PRKCA: variants seen among roughly 807,000 people sequenced by gnomAD.
PRKCA encodes the protein protein kinase C alpha type.
In PRKCA, 27 loss-of-function variants were observed where a neutral mutation model predicts 87.0. The ratio of observed to expected loss-of-function variants is 0.31; its 90% confidence interval spans 0.23 to 0.43. The LOEUF is 0.43. PRKCA is among the 20% of genes least tolerant of loss of function. The probability of loss-of-function intolerance (pLI) is 1.00; values close to 1 mark genes in which losing one functional copy is unlikely to be tolerated. For synonymous variants in PRKCA, 329 were observed against 311.1 expected, an observed-to-expected ratio of 1.06 and a Z score of -0.61; for missense variants, 518 against 852.3, an observed-to-expected ratio of 0.61 and a Z score of 4.88.
At chr17:66,710,949 A>G (rs1185144475) in intron 8 of PRKCA, among the ~76,000 whole-genome samples, 2 of 152,092 alleles carry the variant, frequency 1.3e-5, no homozygotes, top group African/African-American at 2.4e-5. Context: ...AGGCTGAGGT[A>G]GGAGAATCAC....
chr17:66,349,137 T>C (rs1907581144), intron 2 of PRKCA, among the ~76,000 whole-genome samples: 1 of 152,206 alleles, frequency 6.6e-6, no homozygotes, highest in Non-Finnish European at 1.5e-5. Flanking sequence ...GCTCTCTTCC[T>C]GTCCATAATT....
intron 3 of PRKCA, among the ~76,000 whole-genome samples, chr17:66,497,090 T>C (rs1451082583): frequency 6.6e-6 from 1 of 152,240 alleles, no homozygotes; most frequent in East Asian, 1.9e-4. Flanking sequence ...TGAAATAATT[T>C]AGCATCTGTT....
chr17:66,759,065 T>C (rs755630634), intron 13 of PRKCA, among the ~76,000 whole-genome samples: 3 of 152,066 alleles, frequency 2.0e-5, no homozygotes, highest in Non-Finnish European at 2.9e-5. Context: ...TATTTGAAAG[T>C]AGACTTGGGC....
intron 3 of PRKCA, among the ~76,000 whole-genome samples, chr17:66,548,209 T>A (rs1968206369): frequency 6.6e-6 from 1 of 152,110 alleles, no homozygotes; most frequent in Admixed American, 6.5e-5. Flanking sequence ...CACTTCTCCT[T>A]AGCTGTGAAA....
intron 2 of PRKCA, among the ~76,000 whole-genome samples, chr17:66,403,169 G>A (rs908761203): frequency 6.6e-6 from 1 of 152,180 alleles, no homozygotes; most frequent in African/African-American, 2.4e-5. Flanking sequence ...TTGGTGACTT[G>A]TGTTGAGAAA....
At chr17:66,672,071 T>G (rs2143954770) in intron 5 of PRKCA, among the ~76,000 whole-genome samples, 1 of 152,334 alleles carries the variant, frequency 6.6e-6, no homozygotes, top group Non-Finnish European at 1.5e-5. Context: ...AATATTAAGC[T>G]AATCTCAGAA....
At chr17:66,509,911 A>G (rs542229132) in intron 3 of PRKCA, among the ~76,000 whole-genome samples, 24 of 148,548 alleles carry the variant, frequency 1.6e-4, no homozygotes, top group African/African-American at 3.3e-4. Context: ...GAATGAATGG[A>G]AAAAAAAAAT....
In PRKCA at chr17:66,473,882, C is replaced by T. The variant is rs146326012; in HGVS notation, c.206-22319C>T. On this transcript the variant is annotated intron_variant, in intron 2 of 16. Transcript: ENST00000413366. ...CAGGAAGGCAGAGGTTGCGGTGAGC[C>T]GAGATCACGCCATTGCACTCCAGTC... Among the ~76,000 whole-genome samples the T allele has an allele frequency of 5.3e-5, 8 of 152,042 alleles. No individual in the cohort carries two copies. In the East Asian group the frequency reaches 9.7e-4, roughly 18 times the overall value.
At chr17:66,380,325 T>A (rs1405310652) in intron 2 of PRKCA, among the ~76,000 whole-genome samples, 1 of 152,126 alleles carries the variant, frequency 6.6e-6, no homozygotes, top group Non-Finnish European at 1.5e-5. Flanking sequence ...TTCTGTAGTT[T>A]TACTCAGGGA....
chr17:66,719,564 C>T (rs1456909857), intron 8 of PRKCA, among the ~76,000 whole-genome samples: 3 of 152,280 alleles, frequency 2.0e-5, no homozygotes, highest in East Asian at 1.9e-4. Flanking sequence ...GTCAGGACCT[C>T]GAGACCAGCC....
chr17:66,575,459 A>G (rs1275377103), intron 3 of PRKCA, among the ~76,000 whole-genome samples: 3 of 152,230 alleles, frequency 2.0e-5, no homozygotes, highest in Non-Finnish European at 4.4e-5. Context: ...GCACACCTGT[A>G]ATCCCAGCTA....
At chr17:66,334,772 A>G (rs903975665) in intron 2 of PRKCA, among the ~76,000 whole-genome samples, 1 of 152,238 alleles carries the variant, frequency 6.6e-6, no homozygotes, top group African/African-American at 2.4e-5. Flanking sequence ...GCCCATAAGA[A>G]TTGAGAGCAG....
intron 3 of PRKCA, among the ~76,000 whole-genome samples, chr17:66,527,873 A>G (rs1384471829): frequency 6.6e-6 from 1 of 152,218 alleles, no homozygotes; most frequent in Non-Finnish European, 1.5e-5. Context: ...GTATGGAAAT[A>G]CGGAAAATGT....
chr17:66,645,948 G>A (rs1308592963), intron 5 of PRKCA, among the ~76,000 whole-genome samples: 4 of 152,216 alleles, frequency 2.6e-5, no homozygotes, highest in Non-Finnish European at 4.4e-5. Flanking sequence ...CTCAGCGATA[G>A]CAACAGCCGT....
At chr17:66,798,450 TGAC>T (rs1233607124) in intron 16 of PRKCA, among the ~76,000 whole-genome samples, 58 of 40,840 alleles carry the variant, frequency 1.4e-3, no homozygotes, top group Non-Finnish European at 1.9e-3. Flanking sequence ...GTGGTGGTGG[TGAC>T]GGTGGTGGTG....
intron 2 of PRKCA, among the ~76,000 whole-genome samples, chr17:66,488,853 G>T (rs1177095979): frequency 6.6e-6 from 1 of 152,162 alleles, no homozygotes; most frequent in African/African-American, 2.4e-5. Context: ...CTTTTAATGT[G>T]TATCCCAGGA....
chr17:66,567,310 C>T (rs189023407), intron 3 of PRKCA, among the ~76,000 whole-genome samples: 51 of 152,268 alleles, frequency 3.3e-4, no homozygotes, highest in Admixed American at 2.6e-3. Flanking sequence ...GCAGTGGCAC[C>T]GAACAACTTC....
intron 2 of PRKCA, among the ~76,000 whole-genome samples, chr17:66,440,588 C>G (rs902428471): frequency 3.3e-5 from 5 of 152,058 alleles, no homozygotes; most frequent in Admixed American, 1.3e-4. Flanking sequence ...GGCAGGAGAA[C>G]TATAGGATGC....
intron 15 of PRKCA, among the ~76,000 whole-genome samples, chr17:66,787,923 AT>A (rs1349113675): frequency 6.6e-6 from 1 of 152,238 alleles, no homozygotes; most frequent in Non-Finnish European, 1.5e-5. Context: ...TGAACACACC[AT>A]CGTTTCCTTA....
Sources: gnomAD v4.1 joint callset for allele counts (sites outside exome capture counted in the v4.1 genomes callset) on GRCh38, gnomAD v4.1.1 for gene constraint, MANE v1.5 for transcripts, NCBI Gene and HGNC (gene_info 2026-07-23, HGNC 2026-07-21) for gene names.